The following NAALADL2 variants were observed in gnomAD, a reference collection of about 807,000 sequenced individuals.
NAALADL2 encodes N-acetylated alpha-linked acidic dipeptidase like 2, also known as inactive N-acetylated-alpha-linked acidic dipeptidase-like protein 2.
In NAALADL2, 76 loss-of-function variants were observed where a neutral mutation model predicts 87.2. That is an observed-to-expected ratio of 0.87 (90% CI 0.72 to 1.05). The LOEUF (loss-of-function observed/expected upper bound fraction) is 1.05, where lower values mean the gene tolerates loss of function less well. Among genes scored for constraint, NAALADL2 ranks in the 50% least tolerant of loss-of-function variants. The pLI is 0.00. For synonymous variants in NAALADL2, 354 were observed against 331.0 expected (o/e 1.07, Z -0.75); for missense variants, 1,089 against 945.8 (o/e 1.15, Z -1.99).
intron 5 of NAALADL2, among the ~76,000 whole-genome samples, chr3:175,431,962 T>G (rs1267021406): frequency 6.6e-6 from 1 of 151,940 alleles, no homozygotes; most frequent in Non-Finnish European, 1.5e-5. Flanking sequence ...TTCCCAGACT[T>G]TTCACATGGA....
chr3:174,989,998 A>G (rs1746496081), intron 1 of NAALADL2, among the ~76,000 whole-genome samples: 1 of 152,166 alleles, frequency 6.6e-6, no homozygotes, highest in South Asian at 2.1e-4. Context: ...TTGGTTATAA[A>G]TTCCTCATGA....
chr3:175,468,281 G>A (rs1724389303), intron 8 of NAALADL2, among the ~76,000 whole-genome samples: 1 of 151,998 alleles, frequency 6.6e-6, no homozygotes, highest in African/African-American at 2.4e-5. Context: ...GCAAATGAGT[G>A]GTGTGAATGT....
chr3:174,953,404 T>C (rs1007726544), intron 1 of NAALADL2, among the ~76,000 whole-genome samples: 4 of 144,586 alleles, frequency 2.8e-5, no homozygotes, highest in Non-Finnish European at 6.0e-5. Context: ...GTGTCAGGCA[T>C]AGTCCTAGGC....
At chr3:174,964,033 G>A (rs1268851226) in intron 1 of NAALADL2, among the ~76,000 whole-genome samples, 1 of 93,376 alleles carries the variant, frequency 1.1e-5, no homozygotes, top group Non-Finnish European at 2.3e-5. Flanking sequence ...TAAATCTTTT[G>A]GGAAAAAAAA....
intron 5 of NAALADL2, among the ~76,000 whole-genome samples, chr3:175,443,394 A>G (rs568443566): frequency 2.6e-5 from 4 of 152,334 alleles, no homozygotes; most frequent in African/African-American, 9.6e-5. Flanking sequence ...TTTTATTAAC[A>G]TAAATATATC....
intron 6 of NAALADL2, among the ~76,000 whole-genome samples, chr3:175,449,394 C>CTTCTTTTT (rs1212551637): frequency 6.2e-5 from 3 of 48,536 alleles, no homozygotes; most frequent in African/African-American, 1.7e-4. Context: ...TAATTTTCTT[C>CTTCTTTTT]TTTTTTTTTT....
At chr3:175,172,039 T>C (rs1580783672) in intron 2 of NAALADL2, among the ~76,000 whole-genome samples, 1 of 152,070 alleles carries the variant, frequency 6.6e-6, no homozygotes, top group African/African-American at 2.4e-5. Context: ...TTTTATATTT[T>C]AAAGTAGCTA....
intron 3 of NAALADL2, among the ~76,000 whole-genome samples, chr3:174,804,989 GTTTTTCCTT>G (rs1463622693): frequency 5.3e-5 from 8 of 151,986 alleles, no homozygotes; most frequent in African/African-American, 9.7e-5. Flanking sequence ...TAATCCTTCT[GTTTTTCCTT>G]TTTTTCCTTT....
intron 6 of NAALADL2, among the ~76,000 whole-genome samples, chr3:175,455,689 A>G (rs1338895607): frequency 1.3e-5 from 2 of 152,076 alleles, no homozygotes; most frequent in Non-Finnish European, 2.9e-5. Context: ...AAAGTTTACA[A>G]GTTATGATGG....
intron 2 of NAALADL2, among the ~76,000 whole-genome samples, chr3:175,148,187 G>A (rs7653079): frequency 0.32 from 48,552 of 150,180 alleles, 7,907 homozygotes; most frequent in South Asian, 0.35. Flanking sequence ...TTTGATTTGC[G>A]TTTCTCTGGT....
chr3:175,452,458 G>T (rs1011601732), intron 6 of NAALADL2, among the ~76,000 whole-genome samples: 7 of 152,110 alleles, frequency 4.6e-5, no homozygotes, highest in Non-Finnish European at 1.5e-5. Flanking sequence ...TGAGCAGAGT[G>T]GGCTTTAATA....
intron 4 of NAALADL2, among the ~76,000 whole-genome samples, chr3:175,298,740 G>T (rs1756672566): frequency 6.6e-6 from 1 of 152,074 alleles, no homozygotes; most frequent in South Asian, 2.1e-4. Context: ...ATTTAAATCA[G>T]AATTAAGCTA....
intron 5 of NAALADL2, among the ~76,000 whole-genome samples, chr3:175,420,993 A>G (rs899727366): frequency 7.9e-5 from 12 of 152,226 alleles, no homozygotes; most frequent in African/African-American, 2.2e-4. Flanking sequence ...GAAGTATTTA[A>G]TTAGAAGTTA....
intron 2 of NAALADL2, among the ~76,000 whole-genome samples, chr3:175,189,424 C>A (rs1415184256): frequency 6.6e-6 from 1 of 152,096 alleles, no homozygotes; most frequent in Non-Finnish European, 1.5e-5. Flanking sequence ...CAGTAGCATT[C>A]CCTACACAAA....
chr3:174,562,358 AT>A (rs1420832925), intron 2 of NAALADL2, among the ~76,000 whole-genome samples: 1 of 152,160 alleles, frequency 6.6e-6, no homozygotes, highest in Non-Finnish European at 1.5e-5. Context: ...AAGGTGTGCT[AT>A]TGATATGGTA....
At chr3:174,902,738 A>G (rs755936302) in intron 1 of NAALADL2, among the ~76,000 whole-genome samples, 5 of 152,106 alleles carry the variant, frequency 3.3e-5, no homozygotes, top group Non-Finnish European at 4.4e-5. Context: ...CTCCAAGGTT[A>G]TTATTTTTAT....
chr3:174,765,145 A>ACACACAT lies in NAALADL2; in HGVS notation c.-9+27399_-9+27400insCACACAT, dbSNP rs374203584. On this transcript the variant is annotated intron_variant, in intron 3 of 3. Coordinates refer to the NAALADL2 transcript ENST00000434257. ...ACATACACACACACACACACACACG[A>ACACACAT]GAGAGAGAGAGAGAGAGAGAGAGAG... is the stretch of plus-strand genomic sequence containing the variant. 2.1e-5 allele frequency among the ~76,000 whole-genome samples: 3 copies of ACACACAT among 142,414 alleles called. No individual in the cohort carries two copies. In the East Asian group the frequency reaches 6.4e-4, roughly 31 times the overall value. The allele number at this position is 142,414 out of a possible 152,430, so 93.4% of individuals were successfully genotyped here.
intron 5 of NAALADL2, among the ~76,000 whole-genome samples, chr3:175,393,931 A>G (rs1769411908): frequency 6.6e-6 from 1 of 152,202 alleles, no homozygotes; most frequent in Admixed American, 6.5e-5. Context: ...TTAATCTTTC[A>G]TGATCTTGAC....
At chr3:175,621,145 G>A (rs1042681051) in intron 10 of NAALADL2, among the ~76,000 whole-genome samples, 2 of 152,144 alleles carry the variant, frequency 1.3e-5, no homozygotes, top group Admixed American at 6.5e-5. Flanking sequence ...TCGGTTTTCC[G>A]GCTTTAAACG....
Sources: gnomAD v4.1 joint callset for allele counts (sites outside exome capture counted in the v4.1 genomes callset) on GRCh38, gnomAD v4.1.1 for gene constraint, MANE v1.5 for transcripts, NCBI Gene and HGNC (gene_info 2026-07-23, HGNC 2026-07-21) for gene names.